The following AGA variants were observed in gnomAD, a reference collection of about 807,000 sequenced individuals.
The protein encoded by AGA is aspartylglucosaminidase.
Under a neutral mutation model 40.1 loss-of-function variants are expected in AGA, and 31 were observed. The observed-to-expected ratio is 0.77, with a 90% CI of 0.58 to 1.04. The LOEUF is 1.04. AGA is among the 50% of genes least tolerant of loss of function. The probability of loss-of-function intolerance (pLI) is 0.00; values close to 1 mark genes in which losing one functional copy is unlikely to be tolerated. For synonymous variants in AGA, 148 were observed against 144.0 expected (o/e 1.03, Z -0.20); for missense variants, 445 against 435.4 (o/e 1.02, Z -0.20).
Position 177,442,390 on chromosome 4 carries a change from G to C in AGA, c.-15C>G. 6.2e-7 allele frequency: 1 copy of C among 1,613,964 alleles called. No homozygotes were observed. The highest frequency in any genetic ancestry group is 8.5e-7 in the Non-Finnish European group (1 of 1,179,900). ...TTCCGCGCCATCCCTGACCACCGAA[G>C]AGACCAGCGCGAGAAAAGTCCCGGC... On this transcript the variant is annotated 5_prime_UTR_variant, in exon 1 of 9. Transcript: ENST00000264595.
intron 1 of AGA, 88 bp downstream of exon 1, chr4:177,442,161 C>G: frequency 6.3e-7 from 1 of 1,576,950 alleles, no homozygotes; most frequent in Non-Finnish European, 8.6e-7. Flanking sequence ...TCCGTCCGCC[C>G]TGCCGGGTGA....
chr4:177,442,417 G>C lies in AGA; in HGVS notation c.-42C>G. ...GACCAGCGCGAGAAAAGTCCCGGCAGCCAGCGATCGCCGAACAATTAATCC... is the reference window on the plus strand; with the variant it reads ...GACCAGCGCGAGAAAAGTCCCGGCACCCAGCGATCGCCGAACAATTAATCC... On this transcript the variant is annotated 5_prime_UTR_variant, in exon 1 of 9. Transcript: ENST00000264595. 6.2e-7 allele frequency: 1 copy of C among 1,613,158 alleles called. No homozygotes were observed.
At chr4:177,436,030 C>G (rs1736804294) in intron 6 of AGA, among the ~76,000 whole-genome samples, 1 of 152,164 alleles carries the variant, frequency 6.6e-6, no homozygotes, top group South Asian at 2.1e-4. Flanking sequence ...GAGCTCCAAG[C>G]ATCACTTTAC....
chr4:177,440,112 T>G (rs1213423826), intron 2 of AGA, 161 bp downstream of exon 2: 2 of 815,536 alleles, frequency 2.5e-6, no homozygotes, highest in East Asian at 4.9e-5. Context: ...CTGATTTTTT[T>G]TTTTCAGTTG....
In AGA at chr4:177,439,605, G is replaced by T. The variant is rs771563230; in HGVS notation, c.365C>A (p.Thr122Lys). ...IGVARKVLEH[T>K]THTLLVGESA... Reference sequence around the variant, plus strand: ...CTCTCCTACTAAAAGTGTGTGTGTTGTATGTTCCAGTACTTTCCGTGCCAC... The same window carrying T: ...CTCTCCTACTAAAAGTGTGTGTGTTTTATGTTCCAGTACTTTCCGTGCCAC... The change falls in exon 3 of 9, where the codon ACA becomes AAA. Residue 122 changes from threonine (T) to lysine (K), a missense_variant. Coordinates refer to ENST00000264595, the MANE Select transcript of AGA (RefSeq NM_000027.4). The T allele has an allele frequency of 1.9e-6, 3 of 1,613,720 alleles. No homozygotes were observed. Among genetic ancestry groups the T allele is most frequent in the Non-Finnish European group, 2.5e-6 (3 of 1,179,722 alleles).
chr4:177,442,101 G>T, intron 1 of AGA, 148 bp downstream of exon 1: 2 of 1,195,184 alleles, frequency 1.7e-6, no homozygotes, highest in Non-Finnish European at 2.3e-6. Context: ...CTGGAGACTC[G>T]GGAAGACCTA....
At chr4:177,436,201 C>T in intron 6 of AGA, 75 bp downstream of exon 6, 1 of 1,236,590 alleles carries the variant, frequency 8.1e-7, no homozygotes, top group Non-Finnish European at 1.2e-6. Context: ...TGCTTTGCAA[C>T]CCCCATAGCA....
chr4:177,433,162 T>C, intron 8 of AGA, 52 bp downstream of exon 8: 1 of 1,611,326 alleles, frequency 6.2e-7, no homozygotes, highest in Non-Finnish European at 8.5e-7. Flanking sequence ...AAAGTGTATG[T>C]TTTAGAAATA....
intron 1 of AGA, 116 bp downstream of exon 1, chr4:177,442,133 G>C: frequency 6.8e-7 from 1 of 1,477,448 alleles, no homozygotes; most frequent in East Asian, 2.4e-5. Flanking sequence ...CGCGAGGCCC[G>C]GCCCAGCCCG....
At chr4:177,441,382 A>G (rs1737004110) in intron 1 of AGA, among the ~76,000 whole-genome samples, 1 of 152,206 alleles carries the variant, frequency 6.6e-6, no homozygotes, top group Admixed American at 6.5e-5. Context: ...ATACGTTAGC[A>G]ACCTCAGATG....
rs775880509 is a variant in AGA at position 177,437,408 on chromosome 4, T to C, written c.619A>G (p.Ile207Val). Reference protein sequence around the residue: ...ETEDDRGHDTIGMVVIHKTGH... With the variant: ...ETEDDRGHDTVGMVVIHKTGH... The stretch of plus-strand genomic sequence containing the variant: ...AACTGCACAAAAGGCAAATTACCAA[T>C]AGTGTCATGACCACGATCATCTTCT... Residue 207 changes from isoleucine to valine, a missense_variant, in exon 5 of 9, where the codon ATT (isoleucine) becomes GTT (valine). Physicochemically the swap from Ile to Val is conservative, Grantham distance 29 (BLOSUM62 3). Transcript: ENST00000264595. 6.3e-7 allele frequency: 1 copy of C among 1,598,650 alleles called. No individual in the cohort carries two copies. Among genetic ancestry groups the C allele is most frequent in the Non-Finnish European group, 8.6e-7 (1 of 1,166,120 alleles).
chr4:177,434,677 T>G (rs1013646418), intron 6 of AGA, among the ~76,000 whole-genome samples, 188 bp from the exon 7 acceptor site: 1 of 152,134 alleles, frequency 6.6e-6, no homozygotes, highest in Non-Finnish European at 1.5e-5. Flanking sequence ...CCTGCATTAA[T>G]TATGTAAGAA....
Position 177,434,467 on chromosome 4 carries a change from G to T in AGA, c.721C>A (p.Pro241Thr). 1.2e-6 allele frequency: 2 copies of T among 1,614,104 alleles called. No individual in the cohort carries two copies. Among genetic ancestry groups the T allele is most frequent in the Non-Finnish European group, 1.7e-6 (2 of 1,180,010 alleles). ...TCGTCAGCATAGGCTCCAGCTCCAG[G>T]TATTGGTGAGTCTCCTACACGGCTT... The part of the protein sequence containing the change: ...IHGRVGDSPI[P>T]GAGAYADDTA... Residue 241 changes from proline (P) to threonine (T), a missense_variant, in exon 7 of 9, where the codon CCT becomes ACT. Coordinates refer to ENST00000264595, the MANE Select transcript of AGA (RefSeq NM_000027.4).
intron 8 of AGA, among the ~76,000 whole-genome samples, chr4:177,432,813 G>A (rs894057891): frequency 3.5e-4 from 53 of 152,136 alleles, no homozygotes; most frequent in Non-Finnish European, 5.7e-4. Flanking sequence ...TTGGAGCCCC[G>A]AGAAGATCTA....
Position 177,431,185 on chromosome 4 carries a change from C to T in AGA, c.*523G>A. The T allele has an allele frequency of 2.3e-6, 1 of 439,898 alleles. No homozygotes were observed. The highest frequency in any genetic ancestry group is 4.5e-6 in the Non-Finnish European group (1 of 221,852). 27.2% of individuals were successfully genotyped at this position (439,898 alleles called of 1,614,324 possible). A position where few individuals can be genotyped will look rare whatever the true frequency, so the allele number is the denominator to read the frequency against. On this transcript the variant is annotated 3_prime_UTR_variant, in exon 9 of 9. Coordinates refer to ENST00000264595, the MANE Select transcript of AGA (RefSeq NM_000027.4). ...CTAGTATGTACAAAACAAAGAGTATCTCATGTTCTATCATCTTCCTTCCTC... is the reference window on the plus strand; with the variant it reads ...CTAGTATGTACAAAACAAAGAGTATTTCATGTTCTATCATCTTCCTTCCTC...
chr4:177,437,123 AAG>A (rs1736848269), intron 5 of AGA: 1 of 382,986 alleles, frequency 2.6e-6, no homozygotes. Context: ...AAAGTTATTT[AAG>A]GTCACTAAAA....
chr4:177,442,277 A>G lies in AGA; in HGVS notation c.99T>C (p.Thr33=), dbSNP rs2111028048. 1 of 1,614,012 alleles carries G rather than the reference A, an allele frequency of 6.2e-7. No homozygotes were observed. Among genetic ancestry groups the G allele is most frequent in the Non-Finnish European group, 8.5e-7 (1 of 1,179,930 alleles). ...CTTCGGTTGCATTCTTAAAGGGCCA[A>G]GTGTTGACGACCAGGGGCAGAGGGC... ...CSSPLPLVVN[T]WPFKNATEAA... is the part of the protein sequence containing the mutation. Residue 33 remains threonine, a synonymous_variant, in exon 1 of 9, where the codon ACT becomes ACC. Transcript: ENST00000264595.
In AGA at chr4:177,433,512, C is replaced by T. The variant is rs144228716; in HGVS notation, c.807-165G>A. On this transcript the variant is annotated intron_variant, in intron 7 of 8. Coordinates refer to ENST00000264595, the MANE Select transcript of AGA (RefSeq NM_000027.4). ...CTGTTAAAGCATCCACAAAGCAAGT[C>T]CACTTTGATACAGAGTCTATCTTTT... Among the ~76,000 whole-genome samples the T allele has an allele frequency of 1.6e-3, 241 of 152,328 alleles. 1 individual carries two copies. The highest frequency in any genetic ancestry group is 5.5e-3 in the African/African-American group (230 of 41,574).
chr4:177,437,065 C>A (rs1179643824), intron 5 of AGA: 2 of 304,814 alleles, frequency 6.6e-6, no homozygotes, highest in Non-Finnish European at 1.3e-5. Context: ...CAGCGAAAAA[C>A]AAACTAAGAC....
Sources: allele counts gnomAD v4.1 joint callset (sites outside exome capture counted in the v4.1 genomes callset), GRCh38; gene constraint gnomAD v4.1.1; transcripts MANE v1.5; gene names NCBI Gene and HGNC (gene_info 2026-07-23, HGNC 2026-07-21).